VTA1: variants seen among roughly 807,000 people sequenced by gnomAD.
VTA1 encodes vesicle trafficking 1, also known as vacuolar protein sorting-associated protein VTA1 homolog.
In VTA1, 24 loss-of-function variants were observed where a neutral mutation model predicts 36.9. The observed-to-expected ratio is 0.65, with a 90% CI of 0.47 to 0.91. The LOEUF (loss-of-function observed/expected upper bound fraction) is 0.91, where lower values mean the gene tolerates loss of function less well. VTA1 is among the 40% of genes least tolerant of loss of function. VTA1 has a pLI of 0.00. For missense variants in VTA1, 393 were observed against 377.2 expected (o/e 1.04, Z -0.35); for synonymous variants, 142 against 130.2 (o/e 1.09, Z -0.62).
chr6:142,193,482 A>C (rs1206523016), intron 5 of VTA1, among the ~76,000 whole-genome samples: 1 of 152,080 alleles, frequency 6.6e-6, no homozygotes, highest in Non-Finnish European at 1.5e-5. Context: ...ATGATTTATC[A>C]TTCTTTTTAT....
At chr6:142,217,863 T>A (rs1019097029) in intron 7 of VTA1, among the ~76,000 whole-genome samples, 2 of 151,796 alleles carry the variant, frequency 1.3e-5, no homozygotes, top group South Asian at 4.1e-4. Context: ...GTTTTTTTTT[T>A]AAACTGAAAT....
In VTA1 at chr6:142,221,937, C is replaced by G. The variant is rs1776118916; in HGVS notation, c.*3294C>G. 6.6e-6 allele frequency: 1 copy of G among 151,010 alleles called. No homozygotes were observed. Among genetic ancestry groups the G allele is most frequent in the African/African-American group, 2.4e-5 (1 of 41,010 alleles). The allele number at this position is 151,010 out of a possible 1,614,324, so 9.4% of individuals were successfully genotyped here. A position where few individuals can be genotyped will look rare whatever the true frequency, so the allele number is the denominator to read the frequency against. ...AGTGAGCCGAGATCGTGCCACTGCA[C>G]TCCAGCCTGGGCGACAGAGCGAGAC... On this transcript the variant is annotated 3_prime_UTR_variant, in exon 8 of 8. Transcript: ENST00000367630.
At chr6:142,154,636 G>A (rs1778628643) in intron 1 of VTA1, among the ~76,000 whole-genome samples, 1 of 152,126 alleles carries the variant, frequency 6.6e-6, no homozygotes, top group Admixed American at 6.5e-5. Context: ...CCAGCATTTT[G>A]TGTCACTATT....
chr6:142,189,835 G>C (rs1177853415), intron 5 of VTA1, among the ~76,000 whole-genome samples: 1 of 151,902 alleles, frequency 6.6e-6, no homozygotes, highest in African/African-American at 2.4e-5. Flanking sequence ...CTGCTCACTG[G>C]GAGCTCCGCC....
rs1390167295 is a variant in VTA1, at chr6:142,186,862, A to T, written c.412-2564A>T. On this transcript the variant is annotated intron_variant, in intron 4 of 7. Coordinates refer to ENST00000367630, the MANE Select transcript of VTA1 (RefSeq NM_016485.5). ...TAGATGGCAGGATCATGATGTTTGT[A>T]TGAATCTGGTAGGTGGTGTAATGGC... 2.6e-5 allele frequency among the ~76,000 whole-genome samples: 4 copies of T among 152,212 alleles called. No individual in the cohort carries two copies. The East Asian group carries it at 7.7e-4, about 29-fold the overall frequency.
intron 5 of VTA1, among the ~76,000 whole-genome samples, chr6:142,195,496 AT>A (rs924484875): frequency 2.0e-4 from 29 of 144,684 alleles, no homozygotes; most frequent in African/African-American, 7.4e-4. Context: ...AGATGTTTTA[AT>A]TTTTTTTATT....
intron 6 of VTA1, among the ~76,000 whole-genome samples, chr6:142,202,024 A>G (rs942740741): frequency 1.3e-5 from 2 of 151,976 alleles, no homozygotes; most frequent in African/African-American, 4.8e-5. Flanking sequence ...CCATTAGAGT[A>G]TAGTAGATTT....
chr6:142,171,537 A>G (rs1188167796), intron 4 of VTA1, among the ~76,000 whole-genome samples: 1 of 152,240 alleles, frequency 6.6e-6, no homozygotes, highest in Non-Finnish European at 1.5e-5. Context: ...TTTGATTCCC[A>G]TAATGATTTA....
At chr6:142,157,331 A>G (rs186816306) in intron 1 of VTA1, among the ~76,000 whole-genome samples, 15 of 152,266 alleles carry the variant, frequency 9.9e-5, no homozygotes, top group African/African-American at 3.4e-4. Flanking sequence ...CTATAGTCTT[A>G]TTGCTTGATT....
At chr6:142,181,094 A>ATAT (rs1554219841) in intron 4 of VTA1, among the ~76,000 whole-genome samples, 489 of 36,428 alleles carry the variant, frequency 0.013, 8 homozygotes, top group African/African-American at 0.035. Flanking sequence ...AAAAAAAAAA[A>ATAT]ATATATATAT....
chr6:142,166,549 C>G lies in VTA1; in HGVS notation c.207+227C>G, dbSNP rs138383797. Among the ~76,000 whole-genome samples, 1,452 of 151,898 alleles carry G rather than the reference C, an allele frequency of 9.6e-3. 9 individuals are homozygous for G. The highest frequency in any genetic ancestry group is 0.014 in the Non-Finnish European group (921 of 67,982). Reference sequence around the variant, plus strand: ...GTTCAAGTATCTTTGCATATGCCATCATATCTTGTTCCACATTATTATAGA... The same window carrying G: ...GTTCAAGTATCTTTGCATATGCCATGATATCTTGTTCCACATTATTATAGA... On this transcript the variant is annotated intron_variant, in intron 2 of 7. Transcript: ENST00000367630.
chr6:142,184,966 A>G (rs1775311686), intron 4 of VTA1, among the ~76,000 whole-genome samples: 1 of 152,154 alleles, frequency 6.6e-6, no homozygotes, highest in African/African-American at 2.4e-5. Flanking sequence ...AGCATTTAAT[A>G]TGTATCTTCT....
At chr6:142,158,802 G>T (rs1322474594) in intron 1 of VTA1, among the ~76,000 whole-genome samples, 2 of 151,384 alleles carry the variant, frequency 1.3e-5, no homozygotes, top group South Asian at 2.1e-4. Context: ...TTTTTTAGTG[G>T]TTGCTCTAGA....
chr6:142,189,063 A>G (rs1775401063), intron 4 of VTA1, among the ~76,000 whole-genome samples: 1 of 152,082 alleles, frequency 6.6e-6, no homozygotes. Flanking sequence ...AAATAATTCA[A>G]TCTATTGTTA....
In VTA1 at chr6:142,197,309, C is replaced by T. The variant is rs375939158; in HGVS notation, c.521-1130C>T. Among the ~76,000 whole-genome samples, 3 of 152,112 alleles carry T rather than the reference C, an allele frequency of 2.0e-5. No homozygotes were observed. In the East Asian group the frequency reaches 5.8e-4, roughly 29 times the overall value. On this transcript the variant is annotated intron_variant, in intron 5 of 7. Transcript: ENST00000367630. ...AACTTTTTTTCTTGTTTGAAATTAG[C>T]TACATTGAATAACCTGTTTATAATC...
chr6:142,192,494 T>C (rs1775473829), intron 5 of VTA1, among the ~76,000 whole-genome samples: 2 of 152,008 alleles, frequency 1.3e-5, no homozygotes, highest in Admixed American at 1.3e-4. Context: ...ATTCATTTTA[T>C]ATGGTAAATT....
chr6:142,210,655 A>C (rs1443322215), intron 7 of VTA1, among the ~76,000 whole-genome samples: 2 of 152,224 alleles, frequency 1.3e-5, no homozygotes, highest in African/African-American at 4.8e-5. Flanking sequence ...GCTCAGCATC[A>C]CTAATCATCA....
At chr6:142,216,815 C>A (rs566053817) in intron 7 of VTA1, among the ~76,000 whole-genome samples, 1 of 152,234 alleles carries the variant, frequency 6.6e-6, no homozygotes, top group South Asian at 2.1e-4. Flanking sequence ...ATTAATCTGA[C>A]CATTACAGCC....
intron 5 of VTA1, among the ~76,000 whole-genome samples, chr6:142,190,058 C>T (rs1234626526): frequency 1.3e-5 from 2 of 152,070 alleles, no homozygotes; most frequent in Non-Finnish European, 2.9e-5. Context: ...TACCTGGCCT[C>T]CTACTTTTAA....
Sources: allele counts gnomAD v4.1 joint callset (sites outside exome capture counted in the v4.1 genomes callset), GRCh38; gene constraint gnomAD v4.1.1; transcripts MANE v1.5; gene names NCBI Gene and HGNC (gene_info 2026-07-23, HGNC 2026-07-21).